The following PDZRN4 variants were observed in gnomAD, a reference collection of about 807,000 sequenced individuals.
PDZRN4 encodes PDZ domain-containing RING finger protein 4.
A neutral mutation model predicts 99.0 loss-of-function variants in PDZRN4; 70 were observed. That is an observed-to-expected ratio of 0.71 (90% confidence interval 0.58 to 0.86). PDZRN4 has a LOEUF of 0.86. Among genes scored for constraint, PDZRN4 ranks in the 40% least tolerant of loss-of-function variants. The pLI is 0.00. For synonymous variants in PDZRN4, 551 were observed against 501.6 expected (o/e 1.10, Z -1.32); for missense variants, 1,474 against 1,331.2 (o/e 1.11, Z -1.67).
At chr12:41,305,483 G>A (rs1247313970) in intron 3 of PDZRN4, among the ~76,000 whole-genome samples, 1 of 152,172 alleles carries the variant, frequency 6.6e-6, no homozygotes, top group Non-Finnish European at 1.5e-5. Context: ...GCTGGAGGTA[G>A]GGAAATCCAA....
In PDZRN4 at chr12:41,566,505, CA is replaced by C. The variant is rs1187008844; in HGVS notation, c.1468-1275del. On this transcript the variant is annotated intron_variant, in intron 8 of 9. Coordinates refer to ENST00000402685, the MANE Select transcript of PDZRN4 (RefSeq NM_001164595.2). The stretch of plus-strand genomic sequence containing the variant: ...CATATCAAAGTCACAGGAATTTGAT[CA>C]AATTATTCAGGCGACATTAAGATAA... Among the ~76,000 whole-genome samples, 6 of 152,110 alleles carry C rather than the reference CA, an allele frequency of 3.9e-5. No homozygotes were observed. The East Asian group carries it at 5.8e-4, about 15-fold the overall frequency.
rs11180974 is a variant in PDZRN4, at chr12:41,521,356, A to G, written c.1203+11443A>G. 7.6e-3 allele frequency among the ~76,000 whole-genome samples: 1,159 copies of G among 152,220 alleles called. 52 individuals carry two copies. The East Asian group carries it at 0.14, about 18-fold the overall frequency. On this transcript the variant is annotated intron_variant, in intron 5 of 9. Coordinates refer to ENST00000402685, the MANE Select transcript of PDZRN4 (RefSeq NM_001164595.2). ...CTTCTCAGTAGGAATGAAGGATTCT[A>G]TAAGAAGCAGTTACCAAATAGGAAT...
chr12:41,309,487 C>T (rs979217488), intron 3 of PDZRN4, among the ~76,000 whole-genome samples: 11 of 152,120 alleles, frequency 7.2e-5, no homozygotes, highest in African/African-American at 1.9e-4. Context: ...TCCACCCTCA[C>T]GGCCTAATCA....
At position 41,221,644 on chromosome 12, in the gene PDZRN4, A is replaced by C. The variant is rs146288309; in HGVS notation, c.843+27456A>C. ...AAAGTGTAGTAATTTAAGGCTTTTCAGGCTTTGAAAAGCCAACTGCTTCTA... is the reference window on the plus strand; with the variant it reads ...AAAGTGTAGTAATTTAAGGCTTTTCCGGCTTTGAAAAGCCAACTGCTTCTA... On this transcript the variant is annotated intron_variant, in intron 3 of 9. Coordinates refer to ENST00000402685, the MANE Select transcript of PDZRN4 (RefSeq NM_001164595.2). 6.4e-4 allele frequency among the ~76,000 whole-genome samples: 98 copies of C among 152,222 alleles called. 1 individual carries two copies. The East Asian group carries it at 0.017, about 26-fold the overall frequency.
At chr12:41,356,692 T>C (rs1951929904) in intron 3 of PDZRN4, among the ~76,000 whole-genome samples, 1 of 151,956 alleles carries the variant, frequency 6.6e-6, no homozygotes, top group Non-Finnish European at 1.5e-5. Flanking sequence ...CCAGCTGTTA[T>C]CAGCACATTT....
At chr12:41,414,082 G>A (rs1312337393) in intron 3 of PDZRN4, among the ~76,000 whole-genome samples, 1 of 151,648 alleles carries the variant, frequency 6.6e-6, no homozygotes, top group Non-Finnish European at 1.5e-5. Flanking sequence ...TAGTTTGGCA[G>A]GGTATGAAAT....
intron 3 of PDZRN4, among the ~76,000 whole-genome samples, chr12:41,198,583 T>C (rs1264771967): frequency 2.3e-5 from 3 of 127,824 alleles, no homozygotes; most frequent in African/African-American, 9.0e-5. Flanking sequence ...GTTCCCACAT[T>C]GGAACATCAC....
chr12:41,461,262 A>G (rs1463969952), intron 3 of PDZRN4, among the ~76,000 whole-genome samples: 1 of 151,934 alleles, frequency 6.6e-6, no homozygotes, highest in East Asian at 1.9e-4. Context: ...GGTTTGTTAC[A>G]TAGGTAAACG....
At chr12:41,313,304 T>C (rs1357948926) in intron 3 of PDZRN4, among the ~76,000 whole-genome samples, 1 of 152,214 alleles carries the variant, frequency 6.6e-6, no homozygotes, top group Non-Finnish European at 1.5e-5. Flanking sequence ...CACTCCACTT[T>C]TTCACCATCC....
chr12:41,197,923 T>TTTTTTTTTTG (rs1566352678), intron 3 of PDZRN4, among the ~76,000 whole-genome samples: 1 of 137,638 alleles, frequency 7.3e-6, no homozygotes, highest in Non-Finnish European at 1.6e-5. Flanking sequence ...TTTCTGGGTT[T>TTTTTTTTTTG]TTTTTTTTGG....
chr12:41,524,236 T>C (rs180893958), intron 5 of PDZRN4, among the ~76,000 whole-genome samples: 3 of 152,292 alleles, frequency 2.0e-5, no homozygotes, highest in Admixed American at 1.3e-4. Flanking sequence ...AGACATCTCA[T>C]GTTCCTGGAC....
chr12:41,239,939 T>C lies in PDZRN4; in HGVS notation c.843+45751T>C, dbSNP rs1287643662. Reference sequence around the variant, plus strand: ...TGATAGTATTTTAAACCCTGATATATCCATTATGAGAATCAGTTTTCCCTT... The same window carrying C: ...TGATAGTATTTTAAACCCTGATATACCCATTATGAGAATCAGTTTTCCCTT... On this transcript the variant is annotated intron_variant, in intron 3 of 9. Coordinates refer to ENST00000402685, the MANE Select transcript of PDZRN4 (RefSeq NM_001164595.2). Among the ~76,000 whole-genome samples, 8 of 152,198 alleles carry C rather than the reference T, an allele frequency of 5.3e-5. No homozygotes were observed. The South Asian group carries it at 1.7e-3, about 31-fold the overall frequency.
intron 3 of PDZRN4, among the ~76,000 whole-genome samples, chr12:41,480,322 T>A (rs1166987684): frequency 6.6e-6 from 1 of 152,196 alleles, no homozygotes; most frequent in Non-Finnish European, 1.5e-5. Flanking sequence ...TGGAATATTA[T>A]GCATAGTCAA....
chr12:41,418,105 C>T (rs1032484771), intron 3 of PDZRN4, among the ~76,000 whole-genome samples: 1 of 152,114 alleles, frequency 6.6e-6, no homozygotes, highest in Admixed American at 6.6e-5. Context: ...ATTATTTTTC[C>T]TGCTTCTATG....
intron 3 of PDZRN4, among the ~76,000 whole-genome samples, chr12:41,240,691 G>C (rs1951096289): frequency 6.6e-6 from 1 of 152,188 alleles, no homozygotes. Flanking sequence ...TGCGGTGTCT[G>C]GTGGGGATTC....
At chr12:41,322,973 T>G (rs868295465) in intron 3 of PDZRN4, among the ~76,000 whole-genome samples, 1 of 152,168 alleles carries the variant, frequency 6.6e-6, no homozygotes, top group Non-Finnish European at 1.5e-5. Context: ...ACTGGATTGC[T>G]AGAGTAATGA....
At chr12:41,237,823 CTA>C (rs1167584262) in intron 3 of PDZRN4, among the ~76,000 whole-genome samples, 18 of 152,194 alleles carry the variant, frequency 1.2e-4, no homozygotes, top group Admixed American at 1.1e-3. Context: ...TTCCATTTGT[CTA>C]TGTGTCTGTT....
Position 41,379,118 on chromosome 12 carries a change from T to TG in PDZRN4, c.844-127338_844-127337insG, listed in dbSNP as rs544020081. On this transcript the variant is annotated intron_variant, in intron 3 of 9. Coordinates refer to ENST00000402685, the MANE Select transcript of PDZRN4 (RefSeq NM_001164595.2). ...TTATATGTTTCCAGGAATTTATTCA[T>TG]TTTTTAGGTTGTCTAATTTGTTGAT... Among the ~76,000 whole-genome samples the TG allele has an allele frequency of 1.5e-3, 229 of 152,194 alleles. 2 individuals carry two copies. Among genetic ancestry groups the TG allele is most frequent in the African/African-American group, 5.1e-3 (213 of 41,576 alleles).
Position 41,194,102 on chromosome 12 carries a change from A to G in PDZRN4, c.757A>G (p.Thr253Ala), listed in dbSNP as rs774815572. 2.0e-6 allele frequency: 3 copies of G among 1,525,968 alleles called. No homozygotes were observed. The highest frequency in any genetic ancestry group is 2.7e-6 in the Non-Finnish European group (3 of 1,112,812). The allele number at this position is 1,525,968 out of a possible 1,614,324, so 94.5% of individuals were successfully genotyped here. A position where few individuals can be genotyped will look rare whatever the true frequency, so the allele number is the denominator to read the frequency against. The change falls in exon 3 of 10, where the codon ACT (threonine) becomes GCT (alanine). Residue 253 changes from threonine to alanine, a missense_variant. Physicochemically the swap from Thr to Ala is moderately conservative, Grantham distance 58. Transcript: ENST00000402685. ...PNQNNQEGTSTEGIYVSKILE... is the reference protein window; with the variant it reads ...PNQNNQEGTSAEGIYVSKILE... The stretch of plus-strand genomic sequence containing the variant: ...ATAGAATAATCAGGAAGGAACATCG[A>G]CTGAAGGAATTTACGTTTCAAAAAT...
Sources: gnomAD v4.1 joint callset for allele counts (sites outside exome capture counted in the v4.1 genomes callset) on GRCh38, gnomAD v4.1.1 for gene constraint, MANE v1.5 for transcripts, NCBI Gene and HGNC (gene_info 2026-07-23, HGNC 2026-07-21) for gene names.